Variants in ACAN observed in about 807,000 individuals in gnomAD.
ACAN encodes the protein aggrecan, also known as aggrecan core protein.
ACAN carries 47 observed loss-of-function variants against 169.1 expected under a neutral mutation model. That is an observed-to-expected ratio of 0.28 (90% CI 0.22 to 0.35). ACAN has a LOEUF of 0.35. Ranked by LOEUF, ACAN falls within the 10% of genes least tolerant of loss-of-function variation. ACAN has a pLI of 1.00. For synonymous variants in ACAN, 1,115 were observed against 1,112.2 expected (o/e 1.00, Z -0.05); for missense variants, 2,716 against 2,759.9 (o/e 0.98, Z 0.36).
At chr15:88,864,065 T>C (rs1897244843) in intron 13 of ACAN, among the ~76,000 whole-genome samples, 1 of 152,080 alleles carries the variant, frequency 6.6e-6, no homozygotes, top group African/African-American at 2.4e-5. Flanking sequence ...TAGTCCCAGC[T>C]ACTTGGGAAG....
chr15:88,872,031 C>T lies in ACAN; in HGVS notation c.7248C>T (p.Gly2416=). The T allele has an allele frequency of 1.2e-6, 2 of 1,614,032 alleles. No individual in the cohort carries two copies. The highest frequency in any genetic ancestry group is 1.7e-6 in the Non-Finnish European group (2 of 1,179,938). Residue 2416 remains glycine (G), a synonymous_variant, in exon 16 of 19, where the codon GGC becomes GGT. Transcript: ENST00000560601. The surrounding 1 kb of genome is among the most constrained non-coding windows in gnomAD (Gnocchi z 5.4). ...ATGCCCAAGACTACCAGTGGATCGG[C>T]CTGAACGACAGGACCATCGAAGGGG... ...NNNAQDYQWI[G]LNDRTIEGDF...
intron 4 of ACAN, 114 bp downstream of exon 4, chr15:88,840,300 G>A (rs1435206562): frequency 7.6e-7 from 1 of 1,319,612 alleles, no homozygotes; most frequent in South Asian, 1.6e-5. Flanking sequence ...ATGACACTGT[G>A]GCCAGCCTAG....
intron 12 of ACAN, 145 bp from the exon 13 acceptor site, chr15:88,860,181 G>A (rs1897165436): frequency 1.9e-6 from 1 of 523,632 alleles, no homozygotes; most frequent in East Asian, 3.2e-5. Flanking sequence ...AGGTGCCCAG[G>A]AGGGACAGAG....
Position 88,857,940 on chromosome 15 carries a change from G to C in ACAN, c.5355G>C (p.Leu1785=). ...GTSQPFGITD[L]SGETSGVPDL... ...GTCAACCCTTTGGCATAACTGATCTGAGTGGAGAAACATCTGGGGTCCCTG... is the reference window on the plus strand; with the variant it reads ...GTCAACCCTTTGGCATAACTGATCTCAGTGGAGAAACATCTGGGGTCCCTG... Residue 1785 remains leucine, a synonymous_variant, in exon 12 of 19, where the codon CTG becomes CTC. Transcript: ENST00000560601. 6.2e-7 allele frequency: 1 copy of C among 1,613,818 alleles called. No individual in the cohort carries two copies. The highest frequency in any genetic ancestry group is 8.5e-7 in the Non-Finnish European group (1 of 1,179,874).
rs576372390 is a variant in ACAN at position 88,855,384 on chromosome 15, G to A, written c.2799G>A (p.Thr933=). The part of the protein sequence containing the change: ...EERIEWPSTP[T]VGELPSGAEI... ...GAATTGAGTGGCCCAGCACTCCTAC[G>A]GTTGGTGAACTGCCCTCTGGAGCTG... Residue 933 remains threonine, a synonymous_variant, in exon 12 of 19, where the codon ACG becomes ACA. Coordinates refer to ENST00000560601, the MANE Select transcript of ACAN (RefSeq NM_001369268.1). 2.8e-5 allele frequency: 45 copies of A among 1,613,200 alleles called. No homozygotes were observed. In the South Asian group the frequency reaches 3.1e-4, roughly 11 times the overall value.
At position 88,873,035 on chromosome 15, in the gene ACAN, C is replaced by A. The variant is rs369070625; in HGVS notation, c.7447+10C>A. ...TGTAAAAAGGGCACAGGTAAGCTGG[C>A]GCCTGGGAGGGGTCAGGGGAGGATA... On this transcript the variant is annotated intron_variant, in intron 17 of 18. Transcript: ENST00000560601. The surrounding 1 kb of genome is among the most constrained non-coding windows in gnomAD (Gnocchi z 7.5). 6 of 1,610,570 alleles carry A rather than the reference C, an allele frequency of 3.7e-6. No homozygotes were observed. The highest frequency in any genetic ancestry group is 4.2e-6 in the Non-Finnish European group (5 of 1,178,454).
At chr15:88,845,358 G>A (rs1214036822) in intron 6 of ACAN, 147 bp from the exon 7 acceptor site, 10 of 1,203,534 alleles carry the variant, frequency 8.3e-6, no homozygotes, top group Non-Finnish European at 1.1e-5. Flanking sequence ...CCCTGAAATG[G>A]GCTTGGCAAG....
At chr15:88,853,759 TAC>T (rs1196761014) in intron 11 of ACAN, among the ~76,000 whole-genome samples, 2 of 140,054 alleles carry the variant, frequency 1.4e-5, no homozygotes, top group East Asian at 1.9e-4. Context: ...GATAGATACA[TAC>T]ATACATACAT....
rs1269880630 is a variant in ACAN, at chr15:88,858,681, A to G, written c.6096A>G (p.Pro2032=). 6.8e-6 allele frequency: 11 copies of G among 1,613,992 alleles called. No individual in the cohort carries two copies. Among genetic ancestry groups the G allele is most frequent in the Non-Finnish European group, 9.3e-6 (11 of 1,179,904 alleles). The change falls in exon 12 of 19, where the codon CCA becomes CCG. Residue 2032 remains proline (P), a synonymous_variant. Coordinates refer to ENST00000560601, the MANE Select transcript of ACAN (RefSeq NM_001369268.1). The surrounding 1 kb of genome is among the most constrained non-coding windows in gnomAD (Gnocchi z 4.0). ...MGTSGEASGL[P]EVTLITSEFV... ...CCAGTGGAGAGGCCTCAGGACTTCC[A>G]GAAGTTACTTTAATCACTTCTGAGT...
chr15:88,818,694 G>C (rs1223944539), intron 1 of ACAN, among the ~76,000 whole-genome samples: 1 of 152,156 alleles, frequency 6.6e-6, no homozygotes, highest in Non-Finnish European at 1.5e-5. Flanking sequence ...TAACATGGGG[G>C]TCTCCAATAT....
intron 1 of ACAN, among the ~76,000 whole-genome samples, chr15:88,808,273 C>G (rs902759526): frequency 1.4e-4 from 22 of 152,352 alleles, no homozygotes; most frequent in Admixed American, 3.3e-4. Context: ...GGATATGCCC[C>G]AGGCTGCTGC....
chr15:88,865,701 C>G (rs1347468389), intron 13 of ACAN, among the ~76,000 whole-genome samples: 7 of 152,176 alleles, frequency 4.6e-5, no homozygotes, highest in Non-Finnish European at 8.8e-5. Context: ...CATCACTCTG[C>G]ATTCACAGCA....
At chr15:88,865,874 G>A (rs1335681902) in intron 13 of ACAN, among the ~76,000 whole-genome samples, 3 of 152,132 alleles carry the variant, frequency 2.0e-5, no homozygotes, top group Non-Finnish European at 4.4e-5. Context: ...GCCCCACACC[G>A]GACACCTGGC....
intron 2 of ACAN, among the ~76,000 whole-genome samples, chr15:88,837,270 A>T (rs1896529048): frequency 6.6e-6 from 1 of 152,170 alleles, no homozygotes; most frequent in Non-Finnish European, 1.5e-5. Context: ...GGGAAAAAGA[A>T]GGCGGCCCAG....
chr15:88,871,548 C>G lies in ACAN; in HGVS notation c.7219+8C>G, dbSNP rs1395388215. The G allele has an allele frequency of 2.5e-6, 4 of 1,607,462 alleles. No individual in the cohort carries two copies. The highest frequency in any genetic ancestry group is 3.4e-6 in the Non-Finnish European group (4 of 1,177,008). On this transcript the variant is annotated splice_region_variant and intron_variant, in intron 15 of 18. Transcript: ENST00000560601. This position sits in a 1 kb window ranked among gnomAD's most constrained non-coding sequence, Gnocchi z 7.8. Reference sequence around the variant, plus strand: ...AGCAGGAGTTTGTCAACAGTGAGTGCGGCGGGGCCTCTGGAGCCTGAGAGG... The same window carrying G: ...AGCAGGAGTTTGTCAACAGTGAGTGGGGCGGGGCCTCTGGAGCCTGAGAGG...
At chr15:88,819,223 G>T (rs1435635034) in intron 1 of ACAN, among the ~76,000 whole-genome samples, 1 of 152,182 alleles carries the variant, frequency 6.6e-6, no homozygotes, top group Non-Finnish European at 1.5e-5. Context: ...GTGTCGGGGG[G>T]CAACATCATG....
At position 88,851,919 on chromosome 15, in the gene ACAN, A is replaced by G. The variant is rs1463304827; in HGVS notation, c.2152A>G (p.Thr718Ala). 6.2e-7 allele frequency: 1 copy of G among 1,612,532 alleles called. No homozygotes were observed. Among genetic ancestry groups the G allele is most frequent in the East Asian group, 2.2e-5 (1 of 44,822 alleles). ...GGCTGCTGTCCCCGTAGAAGAGGAG[A>G]CAACTGCTGTACCCTCAGGGGAGAC... Reference protein sequence around the residue: ...GVAAVPVEEETTAVPSGETTA... With the variant: ...GVAAVPVEEEATAVPSGETTA... Residue 718 changes from threonine to alanine, a missense_variant, in exon 11 of 19, where the codon ACA (threonine) becomes GCA (alanine). Thr to Ala is a moderately conservative substitution (Grantham distance 58, BLOSUM62 0). Coordinates refer to ENST00000560601, the MANE Select transcript of ACAN (RefSeq NM_001369268.1). This position sits in a 1 kb window ranked among gnomAD's most constrained non-coding sequence, Gnocchi z 4.3.
intron 1 of ACAN, among the ~76,000 whole-genome samples, chr15:88,834,731 G>A (rs1452870214): frequency 1.3e-5 from 2 of 152,254 alleles, no homozygotes; most frequent in Non-Finnish European, 2.9e-5. Context: ...ATGCACCGTG[G>A]AGGGAAGGTC....
chr15:88,849,385 G>T lies in ACAN; in HGVS notation c.1733-53G>T, dbSNP rs1896874004. ...ACTCTGTCCTGGGTGGGCAGGGATG[G>T]ACCTGGCCTGAGTGTGGGGGGGTCA... is the stretch of plus-strand genomic sequence containing the variant. On this transcript the variant is annotated intron_variant, in intron 9 of 18. Transcript: ENST00000560601. The surrounding 1 kb of genome is among the most constrained non-coding windows in gnomAD (Gnocchi z 5.1). The T allele has an allele frequency of 6.7e-7, 1 of 1,487,714 alleles. No individual in the cohort carries two copies. Among genetic ancestry groups the T allele is most frequent in the Non-Finnish European group, 9.0e-7 (1 of 1,112,694 alleles). The allele number at this position is 1,487,714 out of a possible 1,614,324, so 92.2% of individuals were successfully genotyped here.
Sources: allele counts gnomAD v4.1 joint callset (sites outside exome capture counted in the v4.1 genomes callset), GRCh38; gene constraint gnomAD v4.1.1; non-coding constraint Gnocchi (gnomAD v3.1); transcripts MANE v1.5; gene names NCBI Gene and HGNC (gene_info 2026-07-23, HGNC 2026-07-21).